Variants in C8orf34 observed in about 807,000 individuals in gnomAD.
C8orf34 encodes uncharacterized protein C8orf34.
Under a neutral mutation model 68.3 loss-of-function variants are expected in C8orf34, and 65 were observed. That is an observed-to-expected ratio of 0.95 (90% CI 0.78 to 1.17). The LOEUF is 1.17. C8orf34 is among the 50% of genes most tolerant of loss of function. The probability of loss-of-function intolerance (pLI) is 0.00; values close to 1 mark genes in which losing one functional copy is unlikely to be tolerated. For synonymous variants in C8orf34, 244 were observed against 241.2 expected (o/e 1.01, Z -0.11); for missense variants, 664 against 655.4 (o/e 1.01, Z -0.14).
chr8:68,527,943 T>C (rs989194594), intron 6 of C8orf34, among the ~76,000 whole-genome samples: 1 of 152,122 alleles, frequency 6.6e-6, no homozygotes, highest in African/African-American at 2.4e-5. Flanking sequence ...TGTCATCCTT[T>C]ATCGTCTGCT....
chr8:68,390,154 A>G (rs986770113), intron 1 of C8orf34, among the ~76,000 whole-genome samples: 6 of 152,128 alleles, frequency 3.9e-5, no homozygotes, highest in Non-Finnish European at 7.4e-5. Context: ...AGGAGAAAGA[A>G]GCAGGATGCA....
At chr8:68,732,743 G>A (rs1213897388) in intron 10 of C8orf34, among the ~76,000 whole-genome samples, 1 of 152,044 alleles carries the variant, frequency 6.6e-6, no homozygotes, top group Non-Finnish European at 1.5e-5. Flanking sequence ...TATTTTGGTG[G>A]TTATTGTGAG....
intron 10 of C8orf34, among the ~76,000 whole-genome samples, chr8:68,746,790 AATT>A (rs1822512682): frequency 6.6e-6 from 1 of 150,870 alleles, no homozygotes; most frequent in Admixed American, 6.6e-5. Context: ...TTCACAGCTG[AATT>A]CTACCAGAGG....
intron 5 of C8orf34, among the ~76,000 whole-genome samples, chr8:68,504,010 C>A (rs1053414595): frequency 3.9e-5 from 6 of 152,124 alleles, no homozygotes; most frequent in African/African-American, 1.4e-4. Flanking sequence ...GTTGTGCAAT[C>A]ATCACCACAA....
At chr8:68,650,606 A>T (rs958551899) in intron 8 of C8orf34, among the ~76,000 whole-genome samples, 1 of 151,468 alleles carries the variant, frequency 6.6e-6, no homozygotes, top group Admixed American at 6.6e-5. Flanking sequence ...CAGCCTCCCA[A>T]GTAGCTGGGA....
chr8:68,532,287 T>C (rs1815281553), intron 6 of C8orf34, among the ~76,000 whole-genome samples: 1 of 152,168 alleles, frequency 6.6e-6, no homozygotes, highest in Non-Finnish European at 1.5e-5. Context: ...TGATACTCAA[T>C]AATATTTAAA....
rs565438482 is a variant in C8orf34, at chr8:68,545,475, A to G, written c.1105+12326A>G. On this transcript the variant is annotated intron_variant, in intron 7 of 13. Coordinates refer to ENST00000518698, the MANE Select transcript of C8orf34 (RefSeq NM_052958.4). ...ACTGCTAAAATTCAGTTATAGATAG[A>G]AAAACTCAATAGCATTCAGAGAAAA... 2.6e-5 allele frequency among the ~76,000 whole-genome samples: 4 copies of G among 152,286 alleles called. No individual in the cohort carries two copies. In the East Asian group the frequency reaches 7.7e-4, roughly 29 times the overall value.
chr8:68,436,854 G>T (rs1810689850), intron 1 of C8orf34, among the ~76,000 whole-genome samples: 1 of 152,102 alleles, frequency 6.6e-6, no homozygotes, highest in Admixed American at 6.6e-5. Flanking sequence ...TTCTAGTGGT[G>T]GAAAGAAATC....
chr8:68,428,325 C>T (rs955281738), intron 1 of C8orf34, among the ~76,000 whole-genome samples: 2 of 151,704 alleles, frequency 1.3e-5, no homozygotes, highest in African/African-American at 4.8e-5. Context: ...TAAATGCATG[C>T]TAATGGTATA....
chr8:68,611,073 GT>G (rs1364469532), intron 7 of C8orf34, among the ~76,000 whole-genome samples: 1 of 151,982 alleles, frequency 6.6e-6, no homozygotes, highest in Non-Finnish European at 1.5e-5. Context: ...CTCCATGTTG[GT>G]CAGGCTGGTC....
intron 5 of C8orf34, among the ~76,000 whole-genome samples, chr8:68,520,735 TTACAGG>T (rs1814718726): frequency 6.6e-6 from 1 of 152,104 alleles, no homozygotes; most frequent in Admixed American, 6.5e-5. Context: ...AGTGCTGGGC[TTACAGG>T]CGTGAGCCAC....
At chr8:68,388,637 A>G (rs1808358553) in intron 1 of C8orf34, among the ~76,000 whole-genome samples, 2 of 152,066 alleles carry the variant, frequency 1.3e-5, no homozygotes, top group African/African-American at 4.8e-5. Flanking sequence ...GAACAAGTGG[A>G]TATTCATCAA....
intron 1 of C8orf34, among the ~76,000 whole-genome samples, chr8:68,433,285 T>C (rs1017968544): frequency 6.6e-6 from 1 of 152,154 alleles, no homozygotes; most frequent in African/African-American, 2.4e-5. Flanking sequence ...TAAATAACAT[T>C]CTACAGCTGA....
At position 68,742,145 on chromosome 8, in the gene C8orf34, TC is replaced by T. The variant is rs1163447552; in HGVS notation, c.1404+20710del. On this transcript the variant is annotated intron_variant, in intron 10 of 13. Coordinates refer to ENST00000518698, the MANE Select transcript of C8orf34 (RefSeq NM_052958.4). ...TTTCTAACTCCATCAGTCCCACTCT[TC>T]CTCTTCTTTGATTTCCCTAAGAACT... Among the ~76,000 whole-genome samples the T allele has an allele frequency of 3.3e-5, 5 of 152,298 alleles. No individual in the cohort carries two copies. The South Asian group carries it at 1.0e-3, about 32-fold the overall frequency.
chr8:68,369,664 C>T (rs1807471523), intron 1 of C8orf34, among the ~76,000 whole-genome samples: 1 of 152,140 alleles, frequency 6.6e-6, no homozygotes, highest in Non-Finnish European at 1.5e-5. Flanking sequence ...CAACTGATGT[C>T]CCATAGTAAG....
At chr8:68,665,237 G>A (rs1356358556) in intron 8 of C8orf34, among the ~76,000 whole-genome samples, 2 of 152,140 alleles carry the variant, frequency 1.3e-5, no homozygotes, top group Non-Finnish European at 2.9e-5. Context: ...AATACAGATG[G>A]AAATATTGGC....
At chr8:68,788,007 T>C (rs1350248798) in intron 12 of C8orf34, among the ~76,000 whole-genome samples, 1 of 152,210 alleles carries the variant, frequency 6.6e-6, no homozygotes, top group Non-Finnish European at 1.5e-5. Flanking sequence ...AGTAGACTAA[T>C]GGCTCTTGGT....
intron 7 of C8orf34, among the ~76,000 whole-genome samples, chr8:68,594,873 A>G (rs1261167138): frequency 6.6e-6 from 1 of 151,926 alleles, no homozygotes; most frequent in African/African-American, 2.4e-5. Flanking sequence ...TTCTGCTTTC[A>G]TACCTTTAAT....
intron 10 of C8orf34, among the ~76,000 whole-genome samples, chr8:68,755,305 C>T (rs777726408): frequency 2.6e-5 from 4 of 152,212 alleles, no homozygotes; most frequent in Admixed American, 2.6e-4. Flanking sequence ...AATTTTGAGT[C>T]TGCTCTAATT....
Sources: gnomAD v4.1 joint callset for allele counts (sites outside exome capture counted in the v4.1 genomes callset) on GRCh38, gnomAD v4.1.1 for gene constraint, MANE v1.5 for transcripts, NCBI Gene and HGNC (gene_info 2026-07-23, HGNC 2026-07-21) for gene names.